VPS8: variants seen among roughly 807,000 people sequenced by gnomAD.
VPS8 encodes vacuolar protein sorting-associated protein 8 homolog.
A neutral mutation model predicts 216.4 loss-of-function variants in VPS8; 129 were observed. The ratio of observed to expected loss-of-function variants is 0.60; its 90% CI spans 0.52 to 0.69. VPS8 has a LOEUF of 0.69. Ranked by LOEUF, VPS8 falls within the 30% of genes least tolerant of loss-of-function variation. The pLI is 0.00. For missense variants in VPS8, 1,531 were observed against 1,683.5 expected (o/e 0.91, Z 1.59); for synonymous variants, 571 against 565.4 (o/e 1.01, Z -0.14).
At chr3:184,866,229 G>A (rs1461606181) in intron 16 of VPS8, among the ~76,000 whole-genome samples, 3 of 152,188 alleles carry the variant, frequency 2.0e-5, no homozygotes, top group Non-Finnish European at 4.4e-5. Context: ...TAAAAAGTAT[G>A]ACAGCTGATA....
At chr3:184,922,571 A>G in intron 29 of VPS8, 1 of 341,506 alleles carries the variant, frequency 2.9e-6, no homozygotes, top group Non-Finnish European at 5.8e-6. Context: ...TAAGTATTTG[A>G]CTATTTCTGT....
chr3:185,033,901 CAT>C (rs1425172994), intron 46 of VPS8, among the ~76,000 whole-genome samples: 1 of 152,130 alleles, frequency 6.6e-6, no homozygotes, highest in Non-Finnish European at 1.5e-5. Context: ...TCTTTTGACT[CAT>C]ATGCTTATTT....
intron 45 of VPS8, among the ~76,000 whole-genome samples, chr3:185,016,845 T>C (rs2078074926): frequency 6.6e-6 from 1 of 152,182 alleles, no homozygotes; most frequent in South Asian, 2.1e-4. Context: ...AGTTTCTCTT[T>C]CTTAGCGGCC....
chr3:185,036,552 T>TG (rs1323621334), intron 46 of VPS8, among the ~76,000 whole-genome samples: 18 of 151,828 alleles, frequency 1.2e-4, no homozygotes, highest in Non-Finnish European at 2.4e-4. Context: ...ATCTTTTTGA[T>TG]GAAGTCTTTA....
Position 185,026,790 on chromosome 3 carries a change from C to G in VPS8, c.4056+2401C>G, listed in dbSNP as rs536725086. ...GTGGCACAATCTTGGCTCACTGCAA[C>G]CTCCGCCTCCTGGGTTCAAGCGATT... On this transcript the variant is annotated intron_variant, in intron 46 of 47. Transcript: ENST00000625842. 1.6e-3 allele frequency among the ~76,000 whole-genome samples: 231 copies of G among 148,720 alleles called. 1 individual carries two copies. Among genetic ancestry groups the G allele is most frequent in the African/African-American group, 5.6e-3 (226 of 40,462 alleles).
intron 27 of VPS8, 134 bp downstream of exon 27, chr3:184,915,187 C>G: frequency 7.5e-7 from 1 of 1,330,086 alleles, no homozygotes; most frequent in South Asian, 1.4e-5. Flanking sequence ...CACACTATTA[C>G]TAAAGTCAAT....
intron 35 of VPS8, among the ~76,000 whole-genome samples, chr3:184,936,831 G>A (rs949159755): frequency 7.9e-5 from 12 of 151,138 alleles, no homozygotes; most frequent in Non-Finnish European, 1.0e-4. Context: ...TCCGCCTCCC[G>A]GGTTCAAGCC....
intron 13 of VPS8, among the ~76,000 whole-genome samples, chr3:184,854,479 T>C (rs1180443863): frequency 6.6e-6 from 1 of 152,208 alleles, no homozygotes. Context: ...CCCTGTATAT[T>C]GCTGTCCTGG....
intron 36 of VPS8, among the ~76,000 whole-genome samples, chr3:184,949,202 T>G (rs1744222575): frequency 6.6e-6 from 1 of 151,824 alleles, no homozygotes; most frequent in South Asian, 2.1e-4. Flanking sequence ...GAGGCTGATG[T>G]GAGAGAATTG....
rs1219841092 is a variant in VPS8 at position 184,814,989 on chromosome 3, T to C, written c.-89+2764T>C. On this transcript the variant is annotated intron_variant, in intron 1 of 47. Coordinates refer to ENST00000625842, the MANE Select transcript of VPS8 (RefSeq NM_001009921.3). Reference sequence around the variant, plus strand: ...TCCTTATTCTGTTAGCTTTTTTCTATTTCAAAAAATTTTAATCTTTAAAAA... The same window carrying C: ...TCCTTATTCTGTTAGCTTTTTTCTACTTCAAAAAATTTTAATCTTTAAAAA... Among the ~76,000 whole-genome samples the C allele has an allele frequency of 2.6e-5, 4 of 152,204 alleles. No homozygotes were observed. In the East Asian group the frequency reaches 7.7e-4, roughly 29 times the overall value.
intron 47 of VPS8, among the ~76,000 whole-genome samples, chr3:185,049,508 C>T (rs1713708803): frequency 6.6e-6 from 1 of 152,142 alleles, no homozygotes; most frequent in Non-Finnish European, 1.5e-5. Context: ...GCCTCCTTAT[C>T]ACTCACGGAG....
chr3:184,827,517 GT>G (rs1719048096), intron 3 of VPS8, among the ~76,000 whole-genome samples: 1 of 152,168 alleles, frequency 6.6e-6, no homozygotes, highest in Non-Finnish European at 1.5e-5. Flanking sequence ...ATTTTAGTCA[GT>G]TTTGTTAAAA....
At chr3:184,994,857 G>GTGGCTTTCCACACT (rs1752407183) in intron 43 of VPS8, among the ~76,000 whole-genome samples, 1 of 152,236 alleles carries the variant, frequency 6.6e-6, no homozygotes, top group Admixed American at 6.5e-5. Flanking sequence ...TGGACTTACA[G>GTGGCTTTCCACACT]TTCCAGGTGG....
intron 25 of VPS8, among the ~76,000 whole-genome samples, chr3:184,906,504 T>G (rs1461272648): frequency 6.6e-6 from 1 of 152,100 alleles, no homozygotes; most frequent in Non-Finnish European, 1.5e-5. Flanking sequence ...AATAATAGAT[T>G]AATGGGTAGA....
At chr3:185,031,062 CGTTTTTTTTT>C (rs1377830381) in intron 46 of VPS8, among the ~76,000 whole-genome samples, 1 of 75,238 alleles carries the variant, frequency 1.3e-5, no homozygotes, top group African/African-American at 7.4e-5. Flanking sequence ...TACAGGTTGG[CGTTTTTTTTT>C]TTTTTTTTTT....
intron 37 of VPS8, among the ~76,000 whole-genome samples, chr3:184,961,800 T>G (rs1244137509): frequency 1.3e-5 from 2 of 151,964 alleles, no homozygotes; most frequent in Admixed American, 1.3e-4. Context: ...AGAGTCTCTC[T>G]CTGTCACCCA....
At chr3:184,861,674 G>A (rs1178623657) in intron 15 of VPS8, among the ~76,000 whole-genome samples, 1 of 152,120 alleles carries the variant, frequency 6.6e-6, no homozygotes, top group Non-Finnish European at 1.5e-5. Context: ...TAACTGCATT[G>A]TTTTGTAAAT....
intron 33 of VPS8, 35 bp downstream of exon 33, chr3:184,929,699 C>T (rs2109228788): frequency 2.3e-6 from 3 of 1,289,694 alleles, no homozygotes; most frequent in Admixed American, 3.1e-5. Context: ...TTTTTTCTTA[C>T]TCAACTTTCC....
intron 34 of VPS8, among the ~76,000 whole-genome samples, chr3:184,931,271 T>C (rs552456145): frequency 1.3e-5 from 2 of 152,274 alleles, no homozygotes; most frequent in South Asian, 2.1e-4. Context: ...TTTTATGTTA[T>C]TTTATCTATT....
Sources: gnomAD v4.1 joint callset for allele counts (sites outside exome capture counted in the v4.1 genomes callset) on GRCh38, gnomAD v4.1.1 for gene constraint, MANE v1.5 for transcripts, NCBI Gene and HGNC (gene_info 2026-07-23, HGNC 2026-07-21) for gene names.